Variants in ARSB observed in about 807,000 individuals in gnomAD.
ARSB encodes the protein arylsulfatase B, also known as N-acetylgalactosamine-4-sulfatase.
In ARSB, 41 loss-of-function variants were observed where a neutral mutation model predicts 50.9. The observed-to-expected ratio is 0.81, with a 90% confidence interval of 0.63 to 1.04. ARSB has a LOEUF of 1.04. Among genes scored for constraint, ARSB ranks in the 50% least tolerant of loss-of-function variants. The pLI is 0.00. For missense variants in ARSB, 672 were observed against 693.3 expected (o/e 0.97, Z 0.35); for synonymous variants, 269 against 284.8 (o/e 0.94, Z 0.56).
intron 4 of ARSB, among the ~76,000 whole-genome samples, chr5:78,926,009 A>G (rs951895785): frequency 6.6e-6 from 1 of 152,236 alleles, no homozygotes; most frequent in Non-Finnish European, 1.5e-5. Flanking sequence ...ATATTAAAAA[A>G]GAAAGATTCC....
At chr5:78,813,657 T>G (rs890492214) in intron 6 of ARSB, among the ~76,000 whole-genome samples, 1 of 151,956 alleles carries the variant, frequency 6.6e-6, no homozygotes, top group Non-Finnish European at 1.5e-5. Flanking sequence ...TTCAGGAGGC[T>G]GAGGTGGGAG....
At chr5:78,886,574 T>C (rs1561483040) in intron 4 of ARSB, among the ~76,000 whole-genome samples, 1 of 152,118 alleles carries the variant, frequency 6.6e-6, no homozygotes, top group Non-Finnish European at 1.5e-5. Context: ...TAGAAGCTAC[T>C]AGAGTAACTG....
chr5:78,857,693 A>G (rs1355765639), intron 5 of ARSB, among the ~76,000 whole-genome samples: 1 of 152,170 alleles, frequency 6.6e-6, no homozygotes, highest in African/African-American at 2.4e-5. Flanking sequence ...GTTTACCCCC[A>G]TCCCAGCACA....
At chr5:78,866,287 C>T (rs1581063262) in intron 5 of ARSB, among the ~76,000 whole-genome samples, 3 of 152,142 alleles carry the variant, frequency 2.0e-5, no homozygotes, top group African/African-American at 7.2e-5. Flanking sequence ...GCAGGCAAAA[C>T]GAGAGCTTGC....
At chr5:78,956,122 C>T (rs1303689818) in intron 3 of ARSB, among the ~76,000 whole-genome samples, 4 of 152,108 alleles carry the variant, frequency 2.6e-5, no homozygotes, top group African/African-American at 9.7e-5. Flanking sequence ...AGAAACAACC[C>T]AAACATCTAT....
intron 3 of ARSB, among the ~76,000 whole-genome samples, chr5:78,958,133 T>G (rs1751818277): frequency 6.6e-6 from 1 of 152,082 alleles, no homozygotes; most frequent in African/African-American, 2.4e-5. Context: ...TTTTCTAGTT[T>G]CCCACTGTTC....
At chr5:78,827,862 ATTT>A (rs750342005) in intron 6 of ARSB, among the ~76,000 whole-genome samples, 1 of 144,548 alleles carries the variant, frequency 6.9e-6, no homozygotes. Flanking sequence ...ACAATTTCTG[ATTT>A]TTTTTTTTTT....
chr5:78,965,433 A>G (rs1381277262), intron 2 of ARSB, among the ~76,000 whole-genome samples: 1 of 152,190 alleles, frequency 6.6e-6, no homozygotes, highest in African/African-American at 2.4e-5. Context: ...ATAGAGACAG[A>G]AAATAGATTA....
chr5:78,937,370 TATGTAA>T lies in ARSB; in HGVS notation c.898+17919_898+17924del, dbSNP rs1750669679. ...ATATCATATATATGTAAGATATATA[TATGTAA>T]GATATATATATCATATATATGTAAG... On this transcript the variant is annotated intron_variant, in intron 4 of 7. Transcript: ENST00000264914. 6.9e-5 allele frequency among the ~76,000 whole-genome samples: 6 copies of T among 86,834 alleles called. 1 individual carries two copies. Among genetic ancestry groups the T allele is most frequent in the African/African-American group, 1.5e-4 (3 of 20,246 alleles). The allele number at this position is 86,834 out of a possible 152,430, so 57.0% of individuals were successfully genotyped here.
chr5:78,968,873 GC>G, intron 2 of ARSB, 132 bp downstream of exon 2: 1 of 1,009,012 alleles, frequency 9.9e-7, no homozygotes, highest in Non-Finnish European at 1.5e-6. Context: ...TTAGAAAGCA[GC>G]CCCATTACAG....
At chr5:78,883,542 T>C (rs337833) in intron 5 of ARSB, 130,475 of 152,300 alleles carry the variant, frequency 0.86, 56,042 homozygotes, top group East Asian at 1. Flanking sequence ...CCCAATACTA[T>C]AAATGTTGCT....
chr5:78,936,823 T>G (rs575786136), intron 4 of ARSB, among the ~76,000 whole-genome samples: 2 of 152,340 alleles, frequency 1.3e-5, no homozygotes, highest in East Asian at 3.9e-4. Context: ...GACACATTAA[T>G]AATTAGTTTG....
rs2112617015 is a variant in ARSB, at chr5:78,780,424, G to T, written c.1575C>A (p.Ala525=). Residue 525 remains alanine (A), a synonymous_variant, in exon 8 of 8, where the codon GCC becomes GCA. Coordinates refer to ENST00000264914, the MANE Select transcript of ARSB (RefSeq NM_000046.5). ...PAQDPRCDPK[A]TGVWGPWM is the part of the protein sequence containing the mutation. ...ACATCCAAGGGCCCCACACCCCAGT[G>T]GCCTTGGGATCACAGCGGGGGTCCT... 6.2e-7 allele frequency: 1 copy of T among 1,614,146 alleles called. No homozygotes were observed.
intron 6 of ARSB, among the ~76,000 whole-genome samples, chr5:78,816,586 C>CAA (rs1561437673): frequency 6.6e-6 from 1 of 152,214 alleles, no homozygotes; most frequent in Non-Finnish European, 1.5e-5. Flanking sequence ...GGTTACTAAT[C>CAA]AGAGAGCATC....
intron 6 of ARSB, among the ~76,000 whole-genome samples, chr5:78,808,563 G>C (rs528782618): frequency 6.6e-6 from 1 of 152,278 alleles, no homozygotes; most frequent in South Asian, 2.1e-4. Flanking sequence ...CTGGCACAGG[G>C]TAGCTCAGCA....
chr5:78,866,722 G>A (rs1746764342), intron 5 of ARSB, among the ~76,000 whole-genome samples: 3 of 152,172 alleles, frequency 2.0e-5, no homozygotes, highest in Non-Finnish European at 4.4e-5. Flanking sequence ...GATGGTAAAG[G>A]GAAGGAAGGA....
rs1748830275 is a variant in ARSB, at chr5:78,778,402, A to G, written c.*1995T>C. ...ATTGCTACTGAATTGAAGGATGACT[A>G]TACAAGGACTTATATCAGATTATTT... On this transcript the variant is annotated 3_prime_UTR_variant, in exon 8 of 8. Transcript: ENST00000264914. The G allele has an allele frequency of 1.3e-5, 2 of 150,444 alleles. No individual in the cohort carries two copies. Among genetic ancestry groups the G allele is most frequent in the African/African-American group, 5.0e-5 (2 of 40,040 alleles). 9.3% of individuals were successfully genotyped at this position (150,444 alleles called of 1,614,324 possible).
At chr5:78,926,866 A>C (rs1750078347) in intron 4 of ARSB, among the ~76,000 whole-genome samples, 1 of 152,260 alleles carries the variant, frequency 6.6e-6, no homozygotes, top group African/African-American at 2.4e-5. Context: ...GATCATGAAA[A>C]GATAAAAATA....
chr5:78,969,881 T>C (rs907330068), intron 1 of ARSB, among the ~76,000 whole-genome samples: 1 of 152,170 alleles, frequency 6.6e-6, no homozygotes, highest in Non-Finnish European at 1.5e-5. Flanking sequence ...GGCCTCCCAA[T>C]GTGTTGGGAT....
Sources: gnomAD v4.1 joint callset for allele counts (sites outside exome capture counted in the v4.1 genomes callset) on GRCh38, gnomAD v4.1.1 for gene constraint, MANE v1.5 for transcripts, NCBI Gene and HGNC (gene_info 2026-07-23, HGNC 2026-07-21) for gene names.